WDPCP: variants seen among roughly 807,000 people sequenced by gnomAD.
WDPCP encodes the protein WD repeat containing planar cell polarity effector.
In WDPCP, 71 loss-of-function variants were observed where a neutral mutation model predicts 93.1. That is an observed-to-expected ratio of 0.76 (90% CI 0.63 to 0.93). The LOEUF (loss-of-function observed/expected upper bound fraction) is 0.93. WDPCP is among the 40% of genes least tolerant of loss of function. WDPCP has a pLI of 0.00. For missense variants in WDPCP, 844 were observed against 887.4 expected, an observed-to-expected ratio of 0.95 and a Z score of 0.62; for synonymous variants, 315 against 315.0, an observed-to-expected ratio of 1.00 and a Z score of 0.00.
chr2:63,264,080 TA>T (rs1372198748), intron 13 of WDPCP, among the ~76,000 whole-genome samples: 1 of 152,202 alleles, frequency 6.6e-6, no homozygotes, highest in East Asian at 1.9e-4. Context: ...CCTCAAATTA[TA>T]TCAGCTTCAG....
At chr2:63,741,301 CCTTCTT>C (rs1178725052) in intron 2 of WDPCP, among the ~76,000 whole-genome samples, 1 of 151,964 alleles carries the variant, frequency 6.6e-6, no homozygotes, top group Non-Finnish European at 1.5e-5. Flanking sequence ...GTCCCTCGGA[CCTTCTT>C]TGATTTATTT....
At chr2:63,162,111 T>C (rs1672686856) in intron 15 of WDPCP, among the ~76,000 whole-genome samples, 1 of 152,180 alleles carries the variant, frequency 6.6e-6, no homozygotes, top group Non-Finnish European at 1.5e-5. Flanking sequence ...TCAGTCAGTT[T>C]GATCTGGAGA....
At chr2:63,635,801 G>A (rs1709914706) in intron 3 of WDPCP, among the ~76,000 whole-genome samples, 1 of 152,148 alleles carries the variant, frequency 6.6e-6, no homozygotes, top group African/African-American at 2.4e-5. Flanking sequence ...GAACAAGACA[G>A]ACAAGGATGT....
chr2:63,557,562 A>G (rs1289116825), intron 1 of WDPCP, among the ~76,000 whole-genome samples: 1 of 152,202 alleles, frequency 6.6e-6, no homozygotes, highest in Non-Finnish European at 1.5e-5. Context: ...AATAACAGCT[A>G]GAGACTTTAA....
intron 15 of WDPCP, among the ~76,000 whole-genome samples, chr2:63,167,251 A>C (rs950237934): frequency 1.3e-5 from 2 of 152,220 alleles, no homozygotes; most frequent in Non-Finnish European, 2.9e-5. Context: ...ATTTAGGAAA[A>C]AAGTTTGCCA....
chr2:63,131,238 A>C (rs1048313987), intron 17 of WDPCP, among the ~76,000 whole-genome samples: 1 of 152,014 alleles, frequency 6.6e-6, no homozygotes, highest in African/African-American at 2.4e-5. Context: ...TGTTTTCTGT[A>C]TGTCTTGTGG....
chr2:63,797,604 GAAAAAGAAAA>G (rs1670635532), intron 2 of WDPCP, among the ~76,000 whole-genome samples: 1 of 143,496 alleles, frequency 7.0e-6, no homozygotes, highest in African/African-American at 2.6e-5. Context: ...AAAAAATAAA[GAAAAAGAAAA>G]AAAAAGAAAA....
upstream of WDPCP, chr2:63,593,412 A>ATT: frequency 2.1e-5 from 7 of 329,904 alleles, no homozygotes; most frequent in Non-Finnish European, 3.7e-5. Flanking sequence ...CTTTTTTGAA[A>ATT]TTTTTTTTTT....
intron 12 of WDPCP, among the ~76,000 whole-genome samples, chr2:63,338,616 A>G (rs1306764318): frequency 1.0e-4 from 13 of 130,314 alleles, no homozygotes; most frequent in South Asian, 4.9e-4. Flanking sequence ...ATATATATAT[A>G]TGGATAATTA....
At chr2:63,381,544 A>C in intron 11 of WDPCP, among the ~76,000 whole-genome samples, 1 of 152,146 alleles carries the variant, frequency 6.6e-6, no homozygotes, top group East Asian at 1.9e-4. Flanking sequence ...GGAGGAATAA[A>C]GACTTTTGTT....
chr2:63,686,116 A>G (rs958094300), intron 2 of WDPCP, among the ~76,000 whole-genome samples: 3 of 152,212 alleles, frequency 2.0e-5, no homozygotes, highest in Non-Finnish European at 2.9e-5. Context: ...GAGCAATCAG[A>G]CAAGAGAAAG....
intron 2 of WDPCP, among the ~76,000 whole-genome samples, chr2:63,798,680 C>A (rs4493246): frequency 0.028 from 4,254 of 152,022 alleles, 204 homozygotes; most frequent in African/African-American, 0.098. Context: ...GACCACCAAA[C>A]AACCAGAAAA....
At chr2:63,226,161 GA>G (rs1413397797) in intron 14 of WDPCP, among the ~76,000 whole-genome samples, 15 of 151,772 alleles carry the variant, frequency 9.9e-5, no homozygotes, top group African/African-American at 3.6e-4. Flanking sequence ...AGAGGCTTTA[GA>G]AAAATAAAGG....
intron 12 of WDPCP, among the ~76,000 whole-genome samples, chr2:63,336,268 G>C (rs916669938): frequency 6.6e-6 from 1 of 152,112 alleles, no homozygotes; most frequent in Non-Finnish European, 1.5e-5. Context: ...TTTTTATGTG[G>C]ACTCTCTGGA....
chr2:63,796,060 A>G (rs111742389), intron 2 of WDPCP, among the ~76,000 whole-genome samples: 3,961 of 152,326 alleles, frequency 0.026, 85 homozygotes, highest in Middle Eastern at 0.092. Context: ...GAAGGCTGCT[A>G]GAAGATTTCT....
chr2:63,689,837 G>A (rs1668864761), intron 2 of WDPCP, among the ~76,000 whole-genome samples: 1 of 152,094 alleles, frequency 6.6e-6, no homozygotes, highest in Non-Finnish European at 1.5e-5. Flanking sequence ...AACTTCCAGG[G>A]CCTATTCAAT....
intron 14 of WDPCP, among the ~76,000 whole-genome samples, chr2:63,223,237 A>G (rs780394448): frequency 7.9e-5 from 12 of 152,142 alleles, no homozygotes; most frequent in Non-Finnish European, 1.3e-4. Flanking sequence ...GTGAGTTTTG[A>G]CTAAATTGGG....
intron 2 of WDPCP, among the ~76,000 whole-genome samples, chr2:63,694,645 T>G (rs1281613834): frequency 2.0e-5 from 3 of 152,134 alleles, no homozygotes; most frequent in Non-Finnish European, 4.4e-5. Context: ...TAAAGCATAG[T>G]TGTACCAAAT....
At chr2:63,213,443 A>G (rs1677017681) in intron 14 of WDPCP, among the ~76,000 whole-genome samples, 1 of 152,220 alleles carries the variant, frequency 6.6e-6, no homozygotes, top group Non-Finnish European at 1.5e-5. Flanking sequence ...AACACACAAC[A>G]TACCAGAATC....
Sources: gnomAD v4.1 joint callset for allele counts (sites outside exome capture counted in the v4.1 genomes callset) on GRCh38, gnomAD v4.1.1 for gene constraint, MANE v1.5 for transcripts, NCBI Gene and HGNC (gene_info 2026-07-23, HGNC 2026-07-21) for gene names.